The following MAP2K5 variants were observed in gnomAD, a reference collection of about 807,000 sequenced individuals.
The protein encoded by MAP2K5 is dual specificity mitogen-activated protein kinase kinase 5.
A neutral mutation model predicts 83.1 loss-of-function variants in MAP2K5; 49 were observed. That is an observed-to-expected ratio of 0.59 (90% CI 0.47 to 0.75). MAP2K5 has a LOEUF of 0.75. MAP2K5 is among the 30% of genes least tolerant of loss of function. The pLI is 0.00. For missense variants in MAP2K5, 457 were observed against 557.5 expected (o/e 0.82, Z 1.82); for synonymous variants, 202 against 191.8 (o/e 1.05, Z -0.44).
At chr15:67,696,219 C>G (rs1028333506) in intron 15 of MAP2K5, among the ~76,000 whole-genome samples, 20 of 151,420 alleles carry the variant, frequency 1.3e-4, no homozygotes, top group Admixed American at 5.3e-4. Flanking sequence ...TGCCAAATAT[C>G]CATGAACTAC....
At chr15:67,797,603 T>G (rs932267618) in intron 21 of MAP2K5, among the ~76,000 whole-genome samples, 1 of 152,232 alleles carries the variant, frequency 6.6e-6, no homozygotes, top group East Asian at 1.9e-4. Flanking sequence ...ATTTTCACTA[T>G]AGTTTTTCTA....
intron 8 of MAP2K5, among the ~76,000 whole-genome samples, chr15:67,626,111 T>G (rs1182476610): frequency 6.6e-6 from 1 of 152,196 alleles, no homozygotes; most frequent in Non-Finnish European, 1.5e-5. Context: ...TATAATATTT[T>G]TAAAAGTTGG....
chr15:67,789,943 T>C (rs2090486903), intron 21 of MAP2K5, among the ~76,000 whole-genome samples: 1 of 152,184 alleles, frequency 6.6e-6, no homozygotes, highest in Non-Finnish European at 1.5e-5. Context: ...TTCTGCAGTC[T>C]GTGGTCCAGG....
chr15:67,726,761 G>A (rs922516988), intron 16 of MAP2K5, among the ~76,000 whole-genome samples: 13 of 152,144 alleles, frequency 8.5e-5, no homozygotes, highest in Admixed American at 3.9e-4. Context: ...ATCCATTAGC[G>A]TTAAAGTCCC....
chr15:67,551,533 A>G (rs62015110), intron 2 of MAP2K5, among the ~76,000 whole-genome samples: 1 of 152,006 alleles, frequency 6.6e-6, no homozygotes, highest in African/African-American at 2.4e-5. Context: ...GGGTCTTGCT[A>G]TGTTGTCCAG....
Position 67,783,580 on chromosome 15 carries a change from G to A in MAP2K5, c.1242+10828G>A, listed in dbSNP as rs777892650. Among the ~76,000 whole-genome samples the A allele has an allele frequency of 1.3e-5, 2 of 152,132 alleles. No individual in the cohort carries two copies. The highest frequency in any genetic ancestry group is 2.9e-5 in the Non-Finnish European group (2 of 68,028). The stretch of plus-strand genomic sequence containing the variant: ...GGCTAATACTTCTGTTAGTGCACTC[G>A]TCACGCTTTGTGGCAGTAACTTGTG... On this transcript the variant is annotated intron_variant, in intron 21 of 21. Coordinates refer to ENST00000178640, the MANE Select transcript of MAP2K5 (RefSeq NM_145160.3). The surrounding 1 kb of genome is among the most constrained non-coding windows in gnomAD (Gnocchi z 5.1).
chr15:67,639,120 T>C (rs1567328010), intron 9 of MAP2K5, among the ~76,000 whole-genome samples: 1 of 152,114 alleles, frequency 6.6e-6, no homozygotes, highest in Non-Finnish European at 1.5e-5. Context: ...AAGCAAAAAT[T>C]GACAAATGGG....
intron 16 of MAP2K5, among the ~76,000 whole-genome samples, chr15:67,707,148 C>T (rs1034596448): frequency 1.3e-5 from 2 of 152,206 alleles, no homozygotes; most frequent in African/African-American, 4.8e-5. Flanking sequence ...ATCTCCTGAC[C>T]TTGTGATCTG....
chr15:67,801,245 T>A lies in MAP2K5; in HGVS notation c.1243-5401T>A, dbSNP rs2090701313. ...CAATGAAAGGCAAAGGGATGGGCAG[T>A]GGGTTGGCATGTGGAGGTCCCTTCG... is the stretch of plus-strand genomic sequence containing the variant. On this transcript the variant is annotated intron_variant, in intron 21 of 21. Transcript: ENST00000178640. This position sits in a 1 kb window ranked among gnomAD's most constrained non-coding sequence, Gnocchi z 4.8. 6.6e-6 allele frequency among the ~76,000 whole-genome samples: 1 copy of A among 152,168 alleles called. No individual in the cohort carries two copies. The highest frequency in any genetic ancestry group is 1.9e-4 in the East Asian group (1 of 5,196).
At chr15:67,686,434 C>A (rs1456191128) in intron 13 of MAP2K5, among the ~76,000 whole-genome samples, 1 of 151,646 alleles carries the variant, frequency 6.6e-6, no homozygotes, top group Non-Finnish European at 1.5e-5. Context: ...TGGTGAAACC[C>A]CCGTCTCACT....
At chr15:67,734,068 T>C (rs1157065536) in intron 17 of MAP2K5, among the ~76,000 whole-genome samples, 1 of 152,230 alleles carries the variant, frequency 6.6e-6, no homozygotes, top group African/African-American at 2.4e-5. Flanking sequence ...AGCAGATTCT[T>C]GCTGTGCTGT....
At chr15:67,718,211 C>T (rs771814162) in intron 16 of MAP2K5, 2 of 152,124 alleles carry the variant, frequency 1.3e-5, no homozygotes, top group Non-Finnish European at 2.9e-5. Context: ...ATAGACTAGA[C>T]CCCAGCCCTG....
intron 21 of MAP2K5, among the ~76,000 whole-genome samples, chr15:67,787,187 C>T (rs116724515): frequency 0.019 from 2,825 of 152,304 alleles, 90 homozygotes; most frequent in African/African-American, 0.065. Context: ...GCCAGACCCT[C>T]TGGCTGAAGC....
chr15:67,628,915 G>C (rs1170204433), intron 8 of MAP2K5: 4 of 751,960 alleles, frequency 5.3e-6, no homozygotes, highest in African/African-American at 1.7e-5. Flanking sequence ...AATGGATTTA[G>C]TAATAATGGA....
At chr15:67,681,467 A>T (rs1376463183) in intron 13 of MAP2K5, among the ~76,000 whole-genome samples, 1 of 152,176 alleles carries the variant, frequency 6.6e-6, no homozygotes, top group Non-Finnish European at 1.5e-5. Flanking sequence ...AGGGAATCTG[A>T]CCCACAGGAA....
At position 67,597,400 on chromosome 15, in the gene MAP2K5, G is replaced by A. The variant is rs149795965; in HGVS notation, c.481-3285G>A. ...GGAATGTCCCTCCATACTTAATACCGGAGACAAACTGCTGAGCTATGATGT... is the reference window on the plus strand; with the variant it reads ...GGAATGTCCCTCCATACTTAATACCAGAGACAAACTGCTGAGCTATGATGT... On this transcript the variant is annotated intron_variant, in intron 7 of 21. Coordinates refer to ENST00000178640, the MANE Select transcript of MAP2K5 (RefSeq NM_145160.3). Among the ~76,000 whole-genome samples, 292 of 152,198 alleles carry A rather than the reference G, an allele frequency of 1.9e-3. 1 individual carries two copies. The highest frequency in any genetic ancestry group is 6.4e-3 in the African/African-American group (267 of 41,536).
chr15:67,697,636 A>G (rs1351631787), intron 15 of MAP2K5, among the ~76,000 whole-genome samples: 1 of 152,244 alleles, frequency 6.6e-6, no homozygotes, highest in East Asian at 1.9e-4. Context: ...GCTGCATTCC[A>G]AAAGTGTCTT....
At chr15:67,660,449 A>G (rs532791170) in intron 12 of MAP2K5, among the ~76,000 whole-genome samples, 1 of 152,234 alleles carries the variant, frequency 6.6e-6, no homozygotes, top group African/African-American at 2.4e-5. Flanking sequence ...TGTAAACTAA[A>G]TATTCCCATA....
intron 17 of MAP2K5, among the ~76,000 whole-genome samples, chr15:67,740,935 G>A (rs1363132490): frequency 3.2e-4 from 48 of 151,978 alleles, no homozygotes; most frequent in Non-Finnish European, 1.0e-4. Flanking sequence ...GGCTGAGGTA[G>A]GAGAATTGCT....
Sources: gnomAD v4.1 joint callset for allele counts (sites outside exome capture counted in the v4.1 genomes callset) on GRCh38, gnomAD v4.1.1 for gene constraint, Gnocchi (gnomAD v3.1) non-coding constraint, MANE v1.5 for transcripts, NCBI Gene and HGNC (gene_info 2026-07-23, HGNC 2026-07-21) for gene names.